VAV3: variants seen among roughly 807,000 people sequenced by gnomAD.
The protein encoded by VAV3 is guanine nucleotide exchange factor VAV3.
A neutral mutation model predicts 131.2 loss-of-function variants in VAV3; 94 were observed. That is an observed-to-expected ratio of 0.72 (90% CI 0.61 to 0.85). VAV3 has a LOEUF of 0.85. Ranked by LOEUF, VAV3 falls within the 40% of genes least tolerant of loss-of-function variation. VAV3 has a pLI of 0.00. For synonymous variants in VAV3, 349 were observed against 342.0 expected (o/e 1.02, Z -0.22); for missense variants, 939 against 1,002.7 (o/e 0.94, Z 0.86).
intron 2 of VAV3, among the ~76,000 whole-genome samples, chr1:107,874,643 C>T (rs111393436): frequency 7.0e-4 from 106 of 152,200 alleles, no homozygotes; most frequent in African/African-American, 2.4e-3. Flanking sequence ...TCCCTGTATA[C>T]TATTTTAATT....
In VAV3 at chr1:107,757,105, TTTTA is replaced by T. The variant is rs1397431727; in HGVS notation, c.1086+152_1086+155del. 3.3e-5 allele frequency among the ~76,000 whole-genome samples: 5 copies of T among 151,710 alleles called. No individual in the cohort carries two copies. In the East Asian group the frequency reaches 9.7e-4, roughly 29 times the overall value. The stretch of plus-strand genomic sequence containing the variant: ...TATTATACATAGGCATGTCATAATA[TTTTA>T]TTTATGTGTATATATATATGTTTGT... On this transcript the variant is annotated intron_variant, in intron 11 of 26. Transcript: ENST00000370056.
At chr1:107,589,326 T>C (rs911100521) in intron 25 of VAV3, among the ~76,000 whole-genome samples, 2 of 152,220 alleles carry the variant, frequency 1.3e-5, no homozygotes, top group Non-Finnish European at 2.9e-5. Context: ...GGGTGGGCCC[T>C]AAATCCAATG....
At chr1:107,796,352 G>T (rs542448986) in intron 2 of VAV3, among the ~76,000 whole-genome samples, 2 of 152,082 alleles carry the variant, frequency 1.3e-5, no homozygotes, top group African/African-American at 2.4e-5. Flanking sequence ...TCCTATCAGT[G>T]AGCAAACAGC....
At chr1:107,678,654 C>G (rs1164056465) in intron 19 of VAV3, among the ~76,000 whole-genome samples, 2 of 151,820 alleles carry the variant, frequency 1.3e-5, no homozygotes, top group Non-Finnish European at 1.5e-5. Flanking sequence ...ATTTCACAAT[C>G]CTTTGAAATT....
chr1:107,885,279 G>A (rs1670981721), intron 1 of VAV3, among the ~76,000 whole-genome samples: 1 of 151,616 alleles, frequency 6.6e-6, no homozygotes, highest in African/African-American at 2.4e-5. Flanking sequence ...ATTTTTTTGA[G>A]ATGGCATATT....
intron 13 of VAV3, 37 bp from the exon 14 acceptor site, chr1:107,749,631 T>A: frequency 6.3e-7 from 1 of 1,592,404 alleles, no homozygotes; most frequent in South Asian, 1.2e-5. Flanking sequence ...TTTTAAATGG[T>A]TTAGAAACAT....
chr1:107,861,632 A>G lies in VAV3; in HGVS notation c.321+13269T>C, dbSNP rs979527645. ...TAAAATTTGACCTAGACTGACCAATAAAAATAGTGTCCAGTGTCCACCCAT... is the reference window on the plus strand; with the variant it reads ...TAAAATTTGACCTAGACTGACCAATGAAAATAGTGTCCAGTGTCCACCCAT... On this transcript the variant is annotated intron_variant, in intron 2 of 26. Coordinates refer to ENST00000370056, the MANE Select transcript of VAV3 (RefSeq NM_006113.5). 4.6e-5 allele frequency among the ~76,000 whole-genome samples: 7 copies of G among 151,646 alleles called. 1 individual carries two copies. Among genetic ancestry groups the G allele is most frequent in the Non-Finnish European group, 7.4e-5 (5 of 67,850 alleles).
At chr1:107,964,574 C>G (rs1009990635) in intron 1 of VAV3, 92 bp downstream of exon 1, 2 of 1,395,568 alleles carry the variant, frequency 1.4e-6, no homozygotes, top group Non-Finnish European at 2.0e-6. Context: ...AAGCTCAGCG[C>G]ACCTAGACGT....
chr1:107,712,622 T>A (rs1660853406), intron 15 of VAV3, among the ~76,000 whole-genome samples: 1 of 152,198 alleles, frequency 6.6e-6, no homozygotes, highest in Non-Finnish European at 1.5e-5. Flanking sequence ...AAGGACTTGG[T>A]ATGTGATTTT....
chr1:107,749,313 T>C, intron 14 of VAV3, 149 bp downstream of exon 14: 1 of 956,308 alleles, frequency 1.0e-6, no homozygotes, highest in Non-Finnish European at 1.5e-6. Context: ...ATTATCCAGT[T>C]ATTTCTCACA....
At chr1:107,940,878 G>A (rs1354028018) in intron 1 of VAV3, among the ~76,000 whole-genome samples, 4 of 152,082 alleles carry the variant, frequency 2.6e-5, no homozygotes, top group African/African-American at 9.7e-5. Context: ...AAAAGGTTCT[G>A]GAGATGGATG....
intron 19 of VAV3, among the ~76,000 whole-genome samples, chr1:107,647,198 G>A (rs561156307): frequency 2.7e-5 from 4 of 149,616 alleles, no homozygotes; most frequent in Non-Finnish European, 5.9e-5. Flanking sequence ...GGGCTTCCCC[G>A]AGGCAATAAC....
At chr1:107,695,875 G>A (rs1401866309) in intron 17 of VAV3, among the ~76,000 whole-genome samples, 1 of 152,142 alleles carries the variant, frequency 6.6e-6, no homozygotes, top group Non-Finnish European at 1.5e-5. Flanking sequence ...AAAAGGTAGA[G>A]TAAAAGATTA....
Position 107,603,041 on chromosome 1 carries a change from A to G in VAV3, c.2132+6T>C, listed in dbSNP as rs1404205416. 1 of 1,596,534 alleles carries G rather than the reference A, an allele frequency of 6.3e-7. No individual in the cohort carries two copies. Among genetic ancestry groups the G allele is most frequent in the African/African-American group, 1.3e-5 (1 of 74,558 alleles). On this transcript the variant is annotated splice_donor_region_variant and intron_variant, in intron 23 of 26. Transcript: ENST00000370056. ...CTATTTCTGTAAAAGTACTTGTCCT[A>G]CTTACTTAATGCTAATTGCATATTC... is the stretch of plus-strand genomic sequence containing the variant.
chr1:107,651,171 C>G (rs757806235), intron 19 of VAV3, among the ~76,000 whole-genome samples: 2 of 152,090 alleles, frequency 1.3e-5, no homozygotes, highest in Non-Finnish European at 2.9e-5. Context: ...TCTACTGGCA[C>G]CTTGATTGTA....
At chr1:107,862,234 C>T (rs1423397568) in intron 2 of VAV3, among the ~76,000 whole-genome samples, 1 of 151,496 alleles carries the variant, frequency 6.6e-6, no homozygotes, top group African/African-American at 2.4e-5. Flanking sequence ...GCAGTGACTG[C>T]CAAGCATTGT....
intron 2 of VAV3, among the ~76,000 whole-genome samples, chr1:107,780,765 C>T (rs1276698419): frequency 2.6e-5 from 4 of 152,178 alleles, no homozygotes; most frequent in Non-Finnish European, 4.4e-5. Context: ...ACCCACCTGC[C>T]TTGGCCTCCC....
At chr1:107,702,061 C>T (rs12049255) in intron 17 of VAV3, among the ~76,000 whole-genome samples, 83,341 of 151,942 alleles carry the variant, frequency 0.55, 24,096 homozygotes, top group Non-Finnish European at 0.63. Flanking sequence ...TGTATTAGTC[C>T]GTCCTCCCAC....
intron 19 of VAV3, among the ~76,000 whole-genome samples, chr1:107,665,800 A>AC (rs1393848831): frequency 6.6e-6 from 1 of 152,140 alleles, no homozygotes; most frequent in Non-Finnish European, 1.5e-5. Context: ...ATTGCTGCAT[A>AC]CCTACTAGGT....
Sources: gnomAD v4.1 joint callset for allele counts (sites outside exome capture counted in the v4.1 genomes callset) on GRCh38, gnomAD v4.1.1 for gene constraint, MANE v1.5 for transcripts, NCBI Gene and HGNC (gene_info 2026-07-23, HGNC 2026-07-21) for gene names.